Variants in CTNNA3 observed in about 807,000 individuals in gnomAD.
The protein encoded by CTNNA3 is catenin alpha-3.
A neutral mutation model predicts 95.7 loss-of-function variants in CTNNA3; 76 were observed. The ratio of observed to expected loss-of-function variants is 0.79; its 90% CI spans 0.66 to 0.96. The LOEUF is 0.96. Among genes scored for constraint, CTNNA3 ranks in the 40% least tolerant of loss-of-function variants. CTNNA3 has a pLI of 0.00. For missense variants in CTNNA3, 1,191 were observed against 1,089.8 expected (o/e 1.09, Z -1.31); for synonymous variants, 431 against 374.4 (o/e 1.15, Z -1.74).
chr10:66,004,500 T>C (rs1564571560), intron 15 of CTNNA3, among the ~76,000 whole-genome samples: 1 of 152,126 alleles, frequency 6.6e-6, no homozygotes, highest in Non-Finnish European at 1.5e-5. Flanking sequence ...GTAACCTAGT[T>C]GTGGGGGTCC....
At chr10:66,603,092 G>A (rs543272045) in intron 10 of CTNNA3, among the ~76,000 whole-genome samples, 4 of 152,026 alleles carry the variant, frequency 2.6e-5, no homozygotes, top group Admixed American at 1.3e-4. Context: ...TTCTAGTCAC[G>A]GCAACTAGGC....
intron 7 of CTNNA3, among the ~76,000 whole-genome samples, chr10:66,844,300 T>G (rs2132356702): frequency 6.6e-6 from 1 of 152,328 alleles, no homozygotes; most frequent in South Asian, 2.1e-4. Flanking sequence ...TATTCCTTGG[T>G]TATTCTTAGT....
intron 11 of CTNNA3, among the ~76,000 whole-genome samples, chr10:66,503,492 G>A (rs1386059809): frequency 6.6e-6 from 1 of 150,996 alleles, no homozygotes; most frequent in South Asian, 2.1e-4. Flanking sequence ...TTTTTAAGAT[G>A]GAGTCTTGCT....
chr10:66,388,167 T>C (rs1177131006), intron 11 of CTNNA3, among the ~76,000 whole-genome samples: 1 of 152,136 alleles, frequency 6.6e-6, no homozygotes, highest in African/African-American at 2.4e-5. Context: ...AAATGCAACA[T>C]ATATGTATTC....
At chr10:66,440,551 G>A (rs529855162) in intron 11 of CTNNA3, among the ~76,000 whole-genome samples, 50 of 152,152 alleles carry the variant, frequency 3.3e-4, no homozygotes, top group African/African-American at 1.2e-3. Flanking sequence ...AAGCTCTTAC[G>A]ATGATCAAAA....
intron 9 of CTNNA3, among the ~76,000 whole-genome samples, chr10:66,641,258 AACT>A (rs2132379544): frequency 6.6e-6 from 1 of 152,330 alleles, no homozygotes; most frequent in African/African-American, 2.4e-5. Context: ...ACATAGATAT[AACT>A]ACATATAGCC....
chr10:66,490,791 T>G (rs529131197), intron 11 of CTNNA3, among the ~76,000 whole-genome samples: 1 of 152,338 alleles, frequency 6.6e-6, no homozygotes, highest in African/African-American at 2.4e-5. Context: ...CCTCTATGCA[T>G]GAGGAAGCAA....
At chr10:66,518,102 T>C (rs1164725858) in intron 11 of CTNNA3, among the ~76,000 whole-genome samples, 1 of 151,992 alleles carries the variant, frequency 6.6e-6, no homozygotes, top group Non-Finnish European at 1.5e-5. Context: ...TAAGGAAGGG[T>C]TTTTGTTATT....
At chr10:66,472,368 G>T (rs1243494757) in intron 11 of CTNNA3, among the ~76,000 whole-genome samples, 1 of 151,854 alleles carries the variant, frequency 6.6e-6, no homozygotes, top group Non-Finnish European at 1.5e-5. Context: ...TATAACAGAT[G>T]ATCAGCCATA....
chr10:66,677,120 G>A (rs1185693960), intron 9 of CTNNA3, among the ~76,000 whole-genome samples: 1 of 152,050 alleles, frequency 6.6e-6, no homozygotes, highest in East Asian at 1.9e-4. Context: ...TCTAGCATTG[G>A]TTTCCTGTTT....
At chr10:67,720,136 T>G in intron 1 of CTNNA3, among the ~76,000 whole-genome samples, 1 of 88,828 alleles carries the variant, frequency 1.1e-5, no homozygotes, top group Non-Finnish European at 2.4e-5. Flanking sequence ...CTGCTTTTTT[T>G]TTTTTTTTTT....
In CTNNA3 at chr10:66,687,734, T is replaced by C. The variant is rs67707986; in HGVS notation, c.1282-65950A>G. ...ATATATATATACACACACACACACATACACACACACACACACATACCACTT... is the reference window on the plus strand; with the variant it reads ...ATATATATATACACACACACACACACACACACACACACACACATACCACTT... On this transcript the variant is annotated intron_variant, in intron 9 of 17. Transcript: ENST00000433211. Among the ~76,000 whole-genome samples the C allele has an allele frequency of 5.4e-5, 8 of 148,910 alleles. No individual in the cohort carries two copies. The East Asian group carries it at 5.9e-4, about 11-fold the overall frequency.
chr10:67,127,416 T>A (rs1485056430), intron 7 of CTNNA3, among the ~76,000 whole-genome samples: 3 of 152,196 alleles, frequency 2.0e-5, no homozygotes, highest in Non-Finnish European at 4.4e-5. Context: ...TTCACTTACA[T>A]AAAATGAACA....
At chr10:66,365,951 A>G (rs185758458) in intron 12 of CTNNA3, among the ~76,000 whole-genome samples, 1 of 152,282 alleles carries the variant, frequency 6.6e-6, no homozygotes, top group East Asian at 1.9e-4. Context: ...GCTCTGGCCA[A>G]CAGTGTGAAT....
In CTNNA3 at chr10:66,926,761, A is replaced by C. The variant is rs140458180; in HGVS notation, c.1048-151237T>G. Among the ~76,000 whole-genome samples, 902 of 152,346 alleles carry C rather than the reference A, an allele frequency of 5.9e-3. 6 individuals are homozygous for C. Among genetic ancestry groups the C allele is most frequent in the African/African-American group, 0.02 (845 of 41,574 alleles). On this transcript the variant is annotated intron_variant, in intron 7 of 17. Transcript: ENST00000433211. ...GTTTAACTATTTAAAAAAACAAAAC[A>C]CTAAAGACAATTCTCTTTAATTACA...
chr10:66,521,770 T>A (rs1220180696), intron 10 of CTNNA3, among the ~76,000 whole-genome samples: 1 of 152,178 alleles, frequency 6.6e-6, no homozygotes, highest in East Asian at 1.9e-4. Flanking sequence ...TTTGACTGGA[T>A]CACTTCCAAC....
intron 9 of CTNNA3, among the ~76,000 whole-genome samples, chr10:66,736,729 G>C (rs1029363983): frequency 6.6e-6 from 1 of 151,786 alleles, no homozygotes; most frequent in Non-Finnish European, 1.5e-5. Context: ...ATTTCTATCT[G>C]TGTGCTTTTA....
intron 11 of CTNNA3, among the ~76,000 whole-genome samples, chr10:66,501,887 A>C (rs1039000266): frequency 6.6e-6 from 1 of 152,124 alleles, no homozygotes; most frequent in African/African-American, 2.4e-5. Flanking sequence ...AAATAGTAAA[A>C]ACCTGAGAAA....
chr10:67,122,492 T>A (rs1859519548), intron 7 of CTNNA3, among the ~76,000 whole-genome samples: 1 of 152,120 alleles, frequency 6.6e-6, no homozygotes, highest in Non-Finnish European at 1.5e-5. Flanking sequence ...TGGATTATTA[T>A]CTGCATGGGG....
Sources: gnomAD v4.1 joint callset for allele counts (sites outside exome capture counted in the v4.1 genomes callset) on GRCh38, gnomAD v4.1.1 for gene constraint, MANE v1.5 for transcripts, NCBI Gene and HGNC (gene_info 2026-07-23, HGNC 2026-07-21) for gene names.